The following SLC25A21 variants were observed in gnomAD, a reference collection of about 807,000 sequenced individuals.
The protein encoded by SLC25A21 is solute carrier family 25 member 21.
SLC25A21 carries 47 observed loss-of-function variants against 43.8 expected under a neutral mutation model. That is an observed-to-expected ratio of 1.07 (90% CI 0.85 to 1.37). SLC25A21 has a LOEUF of 1.37. SLC25A21 is among the 40% of genes most tolerant of loss of function. The pLI, the probability that SLC25A21 is intolerant of heterozygous loss-of-function variation, is 0.00. For missense variants in SLC25A21, 352 were observed against 350.2 expected (o/e 1.00, Z -0.04); for synonymous variants, 131 against 121.3 (o/e 1.08, Z -0.52).
chr14:37,136,997 T>G (rs1349072789), intron 1 of SLC25A21, among the ~76,000 whole-genome samples: 2 of 152,084 alleles, frequency 1.3e-5, no homozygotes, highest in Non-Finnish European at 2.9e-5. Flanking sequence ...GGCACTGACT[T>G]TTTTTGTTTT....
chr14:36,678,326 C>T lies in SLC25A21; in HGVS notation c.*2332G>A, dbSNP rs1882005697. Reference sequence around the variant, plus strand: ...CAGACAGCAGATATCTTATAGAGAGCTTTGAACTGCATTTATTTCTAAAGC... The same window carrying T: ...CAGACAGCAGATATCTTATAGAGAGTTTTGAACTGCATTTATTTCTAAAGC... On this transcript the variant is annotated 3_prime_UTR_variant, in exon 10 of 10. Transcript: ENST00000331299. 1.5e-6 allele frequency: 1 copy of T among 651,892 alleles called. No individual in the cohort carries two copies. Among genetic ancestry groups the T allele is most frequent in the East Asian group, 2.7e-5 (1 of 36,744 alleles). 40.4% of individuals were successfully genotyped at this position (651,892 alleles called of 1,614,324 possible).
chr14:36,917,707 T>C (rs1891868337), intron 1 of SLC25A21, among the ~76,000 whole-genome samples: 1 of 115,708 alleles, frequency 8.6e-6, no homozygotes. Flanking sequence ...GTTTGAATAG[T>C]TCCTAAGCAA....
rs1443594367 is a variant in SLC25A21 at position 36,774,577 on chromosome 14, A to AT, written c.203+39340_203+39341insA. Among the ~76,000 whole-genome samples the AT allele has an allele frequency of 1.6e-3, 237 of 151,704 alleles. 1 individual carries two copies. Among genetic ancestry groups the AT allele is most frequent in the African/African-American group, 5.4e-3 (224 of 41,316 alleles). ...AACACAGGTTGAGTTTATTTTAGAG[A>AT]CTTTTTTTTTTTAAGACAGGGTCTC... On this transcript the variant is annotated intron_variant, in intron 3 of 9. Coordinates refer to ENST00000331299, the MANE Select transcript of SLC25A21 (RefSeq NM_030631.4).
At chr14:37,075,236 T>TTA (rs1215625110) in intron 1 of SLC25A21, among the ~76,000 whole-genome samples, 5 of 152,124 alleles carry the variant, frequency 3.3e-5, no homozygotes, top group African/African-American at 1.2e-4. Flanking sequence ...TTTCTCTGAT[T>TTA]TACACTTCAT....
chr14:37,009,158 A>G (rs558429946), intron 1 of SLC25A21, among the ~76,000 whole-genome samples: 1 of 152,282 alleles, frequency 6.6e-6, no homozygotes, highest in Non-Finnish European at 1.5e-5. Flanking sequence ...TCTTATTAAT[A>G]GGCTTAATGT....
chr14:37,170,068 G>C (rs537771813), intron 1 of SLC25A21, among the ~76,000 whole-genome samples: 1 of 151,632 alleles, frequency 6.6e-6, no homozygotes, highest in African/African-American at 2.4e-5. Flanking sequence ...ACCGAGTCTC[G>C]CTCTGTCGCC....
intron 2 of SLC25A21, among the ~76,000 whole-genome samples, chr14:36,862,256 T>C (rs1364708279): frequency 6.6e-6 from 1 of 152,192 alleles, no homozygotes; most frequent in East Asian, 1.9e-4. Context: ...ATCCCATTAC[T>C]GGGTATATAC....
At chr14:37,064,343 C>A (rs1433213292) in intron 1 of SLC25A21, among the ~76,000 whole-genome samples, 1 of 152,096 alleles carries the variant, frequency 6.6e-6, no homozygotes. Context: ...CCAGGGTCTC[C>A]AGCTTGCAGT....
intron 1 of SLC25A21, among the ~76,000 whole-genome samples, chr14:36,879,218 T>G (rs1031688379): frequency 6.6e-6 from 1 of 152,144 alleles, no homozygotes; most frequent in Non-Finnish European, 1.5e-5. Context: ...CATGACAGTA[T>G]GAAAATAATT....
chr14:36,903,501 T>C (rs1311953133), intron 1 of SLC25A21, among the ~76,000 whole-genome samples: 1 of 150,338 alleles, frequency 6.7e-6, no homozygotes, highest in Non-Finnish European at 1.5e-5. Flanking sequence ...TAATCCCAGC[T>C]ACTCGGGAGG....
At chr14:37,158,100 A>G (rs1463285610) in intron 1 of SLC25A21, among the ~76,000 whole-genome samples, 20 of 152,284 alleles carry the variant, frequency 1.3e-4, no homozygotes, top group Non-Finnish European at 1.5e-4. Flanking sequence ...AAAGTCTCCC[A>G]ACAACAACGA....
chr14:36,740,495 T>A (rs1478059068), intron 3 of SLC25A21, among the ~76,000 whole-genome samples: 1 of 152,238 alleles, frequency 6.6e-6, no homozygotes, highest in Non-Finnish European at 1.5e-5. Context: ...ATTGTACTAC[T>A]TATGTACATC....
At chr14:37,109,360 C>A (rs949277779) in intron 1 of SLC25A21, among the ~76,000 whole-genome samples, 2 of 144,728 alleles carry the variant, frequency 1.4e-5, no homozygotes, top group Admixed American at 1.4e-4. Context: ...AAGAAAGAAT[C>A]AAGGAAGGAA....
intron 1 of SLC25A21, among the ~76,000 whole-genome samples, chr14:37,057,248 AT>A (rs1043383457): frequency 6.6e-6 from 1 of 152,096 alleles, no homozygotes; most frequent in Non-Finnish European, 1.5e-5. Context: ...TTTTGAAACA[AT>A]TTTGTTTTGC....
intron 1 of SLC25A21, among the ~76,000 whole-genome samples, chr14:36,989,442 T>C (rs1474591436): frequency 6.6e-6 from 1 of 152,138 alleles, no homozygotes; most frequent in Non-Finnish European, 1.5e-5. Flanking sequence ...AAAAATTGCT[T>C]AGGTATACAA....
Position 36,993,521 on chromosome 14 carries a change from G to A in SLC25A21, c.71-118517C>T, listed in dbSNP as rs532156373. 9.2e-4 allele frequency among the ~76,000 whole-genome samples: 140 copies of A among 152,168 alleles called. 1 individual carries two copies. The highest frequency in any genetic ancestry group is 3.2e-3 in the African/African-American group (133 of 41,512). ...CAACACAGGTGGTCCACACTTTTTA[G>A]GTATAAATTGGAGACATATATCATT... is the stretch of plus-strand genomic sequence containing the variant. On this transcript the variant is annotated intron_variant, in intron 1 of 9. Coordinates refer to ENST00000331299, the MANE Select transcript of SLC25A21 (RefSeq NM_030631.4).
intron 1 of SLC25A21, among the ~76,000 whole-genome samples, chr14:37,030,698 C>T (rs1164193545): frequency 6.6e-6 from 1 of 152,116 alleles, no homozygotes; most frequent in East Asian, 1.9e-4. Flanking sequence ...TGTGACCTAG[C>T]ATTCAGCTTC....
At chr14:37,168,591 G>A (rs1467072145) in intron 1 of SLC25A21, among the ~76,000 whole-genome samples, 1 of 151,892 alleles carries the variant, frequency 6.6e-6, no homozygotes, top group Admixed American at 6.6e-5. Context: ...ACAGAGGTGG[G>A]CCCCTACTAA....
intron 1 of SLC25A21, among the ~76,000 whole-genome samples, chr14:37,146,788 TA>T (rs1344211335): frequency 3.3e-5 from 5 of 152,154 alleles, no homozygotes; most frequent in Admixed American, 2.0e-4. Context: ...GCAATGCTGA[TA>T]AAATATATAT....
Sources: allele counts gnomAD v4.1 joint callset (sites outside exome capture counted in the v4.1 genomes callset), GRCh38; gene constraint gnomAD v4.1.1; transcripts MANE v1.5; gene names NCBI Gene and HGNC (gene_info 2026-07-23, HGNC 2026-07-21).